PRMT2: variants seen among roughly 807,000 people sequenced by gnomAD.
The protein encoded by PRMT2 is protein arginine methyltransferase 2.
Under a neutral mutation model 57.6 loss-of-function variants are expected in PRMT2, and 26 were observed. The observed-to-expected ratio is 0.45, with a 90% CI of 0.33 to 0.63. The LOEUF is 0.63. Among genes scored for constraint, PRMT2 ranks in the 20% least tolerant of loss-of-function variants. PRMT2 has a pLI of 0.02. For synonymous variants in PRMT2, 219 were observed against 220.0 expected, an observed-to-expected ratio of 1.00 and a Z score of 0.04; for missense variants, 472 against 564.4, an observed-to-expected ratio of 0.84 and a Z score of 1.66.
At chr21:46,641,638 G>A (rs962907119) in intron 3 of PRMT2, among the ~76,000 whole-genome samples, 6 of 152,136 alleles carry the variant, frequency 3.9e-5, no homozygotes, top group African/African-American at 1.4e-4. Context: ...GTTGCAGTGA[G>A]CCGAGATTGT....
intron 7 of PRMT2, chr21:46,657,223 T>C (rs2061553878): frequency 6.6e-6 from 1 of 152,214 alleles, no homozygotes; most frequent in African/African-American, 2.4e-5. Flanking sequence ...AACATGCCAC[T>C]GTGGAAACAG....
chr21:46,659,072 G>A, intron 8 of PRMT2, 152 bp downstream of exon 8: 2 of 1,430,584 alleles, frequency 1.4e-6, no homozygotes, highest in Middle Eastern at 2.6e-4. Flanking sequence ...TAGCATTGGA[G>A]TAATTAAAGC....
chr21:46,651,947 G>A (rs935298205), intron 7 of PRMT2: 26 of 1,613,134 alleles, frequency 1.6e-5, no homozygotes, highest in Non-Finnish European at 7.6e-6. Context: ...CTGTCTGCCT[G>A]TTCTCAGAGC....
intron 7 of PRMT2, chr21:46,652,211 G>T: frequency 7.3e-7 from 1 of 1,374,898 alleles, no homozygotes; most frequent in Non-Finnish European, 9.4e-7. Context: ...TTTAAGAAAA[G>T]GAGGAAACAA....
chr21:46,637,018 C>G (rs781406619), intron 3 of PRMT2, 28 bp downstream of exon 3: 16 of 1,611,010 alleles, frequency 9.9e-6, no homozygotes, highest in African/African-American at 1.3e-5. Context: ...TCCTAAAAAT[C>G]TGTGTTTAAT....
In PRMT2 at chr21:46,657,505, G is replaced by A. The variant is rs557645750; in HGVS notation, c.655-1240G>A. The stretch of plus-strand genomic sequence containing the variant: ...TGAAGAGGAGCCAGTTATTGAAACA[G>A]GTAATTTGGAGGAACCCCAGAAACG... On this transcript the variant is annotated intron_variant, in intron 7 of 11. Transcript: ENST00000355680. 7 of 152,312 alleles carry A rather than the reference G, an allele frequency of 4.6e-5. No homozygotes were observed. In the East Asian group the frequency reaches 1.3e-3, roughly 29 times the overall value. The allele number at this position is 152,312 out of a possible 1,614,324, so 9.4% of individuals were successfully genotyped here. A position where few individuals can be genotyped will look rare whatever the true frequency, so the allele number is the denominator to read the frequency against.
rs1601934052 is a variant in PRMT2, at chr21:46,649,344, C to T, written c.490-231C>T. ...AGTCTTCCATCCACTTGCAGCCCTG[C>T]GTCTGTGTCTTGTCCGGGAGGTGGG... On this transcript the variant is annotated intron_variant, in intron 6 of 11. Transcript: ENST00000355680. This position sits in a 1 kb window ranked among gnomAD's most constrained non-coding sequence, Gnocchi z 4.8. Among the ~76,000 whole-genome samples, 2 of 152,220 alleles carry T rather than the reference C, an allele frequency of 1.3e-5. No individual in the cohort carries two copies. Among genetic ancestry groups the T allele is most frequent in the South Asian group, 4.1e-4 (2 of 4,828 alleles).
Position 46,663,491 on chromosome 21 carries a change from A to G in PRMT2, c.1206A>G (p.Arg402=). The G allele has an allele frequency of 1.9e-6, 3 of 1,614,150 alleles. No individual in the cohort carries two copies. The Admixed American group carries it at 5.0e-5, about 27-fold the overall frequency. Residue 402 remains arginine (R), a synonymous_variant, in exon 11 of 12, where the codon AGA becomes AGG. Transcript: ENST00000355680. The stretch of plus-strand genomic sequence containing the variant: ...TGTTGCAGAGAAACCCAGTGTGGAG[A>G]AGGCACATGTCTGTGGCTCTGAGCT... The part of the protein sequence containing the change: ...SVVLQRNPVW[R]RHMSVALSWA...
chr21:46,648,685 T>C lies in PRMT2; in HGVS notation c.489+66T>C. On this transcript the variant is annotated intron_variant, in intron 6 of 11. Transcript: ENST00000355680. The surrounding 1 kb of genome is among the most constrained non-coding windows in gnomAD (Gnocchi z 4.8). ...GGCTGGTGACGTCCGAGGTGGCCTC[T>C]GAGTGTGCTGACTTGTGACCCTGAG... 1.3e-6 allele frequency: 2 copies of C among 1,572,742 alleles called. No homozygotes were observed. The highest frequency in any genetic ancestry group is 2.2e-5 in the East Asian group (1 of 44,458).
chr21:46,659,767 G>A (rs979902512), intron 8 of PRMT2: 35 of 985,298 alleles, frequency 3.6e-5, no homozygotes, highest in Non-Finnish European at 4.1e-5. Context: ...GGCACTGGAA[G>A]CCAGTGGCCG....
Position 46,649,704 on chromosome 21 carries a change from G to A in PRMT2, c.619G>A (p.Val207Met), listed in dbSNP as rs983972285. The A allele has an allele frequency of 1.7e-5, 27 of 1,613,794 alleles. No individual in the cohort carries two copies. The highest frequency in any genetic ancestry group is 2.7e-5 in the African/African-American group (2 of 74,908). ...EDVVLPEKVD[V>M]LVSEWMGTCL... The stretch of plus-strand genomic sequence containing the variant: ...TGTGGTGCTGCCCGAGAAGGTGGAC[G>A]TGCTGGTGTCTGAGTGGATGGGGAC... Residue 207 changes from valine to methionine, a missense_variant, in exon 7 of 12, where the codon GTG becomes ATG. Physicochemically the swap from Val to Met is conservative, Grantham distance 21 (BLOSUM62 1). Around this residue, in one of 2 missense-constraint regions of PRMT2, gnomAD observed 243 missense variants for 347.2 expected, o/e 0.70. Coordinates refer to ENST00000355680, the MANE Select transcript of PRMT2 (RefSeq NM_206962.4). This position sits in a 1 kb window ranked among gnomAD's most constrained non-coding sequence, Gnocchi z 4.8.
intron 7 of PRMT2, chr21:46,653,173 C>T: frequency 1.0e-6 from 1 of 985,304 alleles, no homozygotes; most frequent in Non-Finnish European, 1.2e-6. Context: ...ATTTTCTAAG[C>T]AAAAGAAACA....
At position 46,663,512 on chromosome 21, in the gene PRMT2, G is replaced by C. The variant is rs1368867711; in HGVS notation, c.1227G>C (p.Leu409=). The C allele has an allele frequency of 1.9e-6, 3 of 1,614,104 alleles. No individual in the cohort carries two copies. The highest frequency in any genetic ancestry group is 1.3e-5 in the African/African-American group (1 of 74,934). ...GGAGAAGGCACATGTCTGTGGCTCT[G>C]AGCTGGGCTGTCACTTCCAGACAAG... ...PVWRRHMSVA[L]SWAVTSRQDP... Residue 409 remains leucine, a synonymous_variant, in exon 11 of 12, where the codon CTG becomes CTC. Coordinates refer to ENST00000355680, the MANE Select transcript of PRMT2 (RefSeq NM_206962.4).
intron 10 of PRMT2, among the ~76,000 whole-genome samples, chr21:46,663,118 G>T (rs2061655470): frequency 6.6e-6 from 1 of 152,212 alleles, no homozygotes; most frequent in African/African-American, 2.4e-5. Context: ...CTTGTGTTTG[G>T]CATTGGCAGG....
chr21:46,659,116 C>T, intron 8 of PRMT2, 196 bp downstream of exon 8: 1 of 1,334,934 alleles, frequency 7.5e-7, no homozygotes, highest in East Asian at 2.9e-5. Context: ...ATGGGCAGAG[C>T]AGGGTAGAAT....
intron 7 of PRMT2, chr21:46,657,733 T>G (rs2061561415): frequency 6.6e-6 from 1 of 152,134 alleles, no homozygotes; most frequent in African/African-American, 2.4e-5. Context: ...TGGCTGTGGT[T>G]GTGAGGACAA....
intron 7 of PRMT2, chr21:46,652,907 C>T (rs961831248): frequency 3.8e-6 from 5 of 1,302,898 alleles, no homozygotes; most frequent in Non-Finnish European, 5.1e-6. Context: ...GCAGGTTGCA[C>T]ACTCAGCAGT....
chr21:46,660,812 C>G (rs774992078), intron 8 of PRMT2, 21 bp from the exon 9 acceptor site: 5 of 1,612,202 alleles, frequency 3.1e-6, no homozygotes, highest in African/African-American at 1.3e-5. Context: ...TCTCAACAGT[C>G]GCTTTGACCT....
chr21:46,644,264 A>G (rs367589255), intron 4 of PRMT2, 42 bp from the exon 5 acceptor site: 4 of 1,577,038 alleles, frequency 2.5e-6, no homozygotes, highest in African/African-American at 2.7e-5. Flanking sequence ...TGAAATACCA[A>G]TGACTGGTTT....
Sources: gnomAD v4.1 joint callset for allele counts (sites outside exome capture counted in the v4.1 genomes callset) on GRCh38, gnomAD v4.1.1 for gene constraint, gnomAD v4.1.1 regional missense constraint, Gnocchi (gnomAD v3.1) non-coding constraint, MANE v1.5 for transcripts, NCBI Gene and HGNC (gene_info 2026-07-23, HGNC 2026-07-21) for gene names.